ASTN2: variants seen among roughly 807,000 people sequenced by gnomAD.
The protein encoded by ASTN2 is astrotactin 2.
Under a neutral mutation model 139.8 loss-of-function variants are expected in ASTN2, and 54 were observed. The ratio of observed to expected loss-of-function variants is 0.39; its 90% CI spans 0.31 to 0.48. The LOEUF (loss-of-function observed/expected upper bound fraction) is 0.48, where lower values mean the gene tolerates loss of function less well. ASTN2 is among the 20% of genes least tolerant of loss of function. The pLI, the probability that ASTN2 is intolerant of heterozygous loss-of-function variation, is 0.95. For synonymous variants in ASTN2, 756 were observed against 719.5 expected (o/e 1.05, Z -0.81); for missense variants, 1,565 against 1,725.1 (o/e 0.91, Z 1.64).
intron 10 of ASTN2, among the ~76,000 whole-genome samples, chr9:116,961,051 T>C: frequency 6.6e-6 from 1 of 151,912 alleles, no homozygotes; most frequent in East Asian, 1.9e-4. Flanking sequence ...TGTGGAGCCA[T>C]ACTGTCTGTT....
At chr9:116,946,949 A>AAAAC (rs1242909408) in intron 10 of ASTN2, among the ~76,000 whole-genome samples, 2 of 151,754 alleles carry the variant, frequency 1.3e-5, no homozygotes, top group South Asian at 2.1e-4. Flanking sequence ...AAAAAAAAAA[A>AAAAC]AACAACCCAG....
At chr9:116,822,147 A>G (rs1294550318) in intron 11 of ASTN2, among the ~76,000 whole-genome samples, 1 of 150,896 alleles carries the variant, frequency 6.6e-6, no homozygotes, top group East Asian at 2.0e-4. Context: ...AACAACATCA[A>G]TAATAAAACA....
intron 7 of ASTN2, among the ~76,000 whole-genome samples, chr9:117,001,778 T>C (rs1209290457): frequency 1.3e-5 from 2 of 152,188 alleles, no homozygotes; most frequent in Non-Finnish European, 2.9e-5. Flanking sequence ...TCTTCAGGCA[T>C]GGGGCACTTT....
chr9:117,060,592 G>GAAGA (rs1238191146), intron 5 of ASTN2, among the ~76,000 whole-genome samples: 1 of 150,956 alleles, frequency 6.6e-6, no homozygotes, highest in African/African-American at 2.4e-5. Flanking sequence ...AGGCAGGAAG[G>GAAGA]AAGGAAGGAA....
At position 116,778,538 on chromosome 9, in the gene ASTN2, T is replaced by C. The variant is rs533857796; in HGVS notation, c.2396+27094A>G. ...AAATGATTGCTGAAGATACCCTCCA[T>C]GGTATTGCTCAACATTTCTTGTGAG... On this transcript the variant is annotated intron_variant, in intron 13 of 22. Coordinates refer to ENST00000313400, the MANE Select transcript of ASTN2 (RefSeq NM_001365068.1). Among the ~76,000 whole-genome samples the C allele has an allele frequency of 2.0e-5, 3 of 152,308 alleles. 1 individual carries two copies. In the South Asian group the frequency reaches 6.2e-4, roughly 32 times the overall value.
intron 16 of ASTN2, among the ~76,000 whole-genome samples, chr9:116,707,397 A>C (rs1229790157): frequency 1.3e-5 from 2 of 151,786 alleles, no homozygotes; most frequent in Non-Finnish European, 2.9e-5. Context: ...CTGGGTCCTC[A>C]AACCCTATAA....
intron 16 of ASTN2, among the ~76,000 whole-genome samples, chr9:116,706,472 A>C (rs1827990951): frequency 6.6e-6 from 1 of 152,110 alleles, no homozygotes; most frequent in Admixed American, 6.5e-5. Context: ...AGCCACTAGG[A>C]AAAGCCAGGC....
intron 20 of ASTN2, among the ~76,000 whole-genome samples, chr9:116,465,784 C>T (rs1436109497): frequency 1.3e-5 from 2 of 152,048 alleles, no homozygotes; most frequent in East Asian, 3.9e-4. Flanking sequence ...AGGAGAGTGG[C>T]TGTGTTTTAG....
At chr9:117,238,833 A>G (rs975610465) in intron 2 of ASTN2, among the ~76,000 whole-genome samples, 3 of 152,204 alleles carry the variant, frequency 2.0e-5, no homozygotes, top group African/African-American at 7.2e-5. Context: ...ATAACACCCC[A>G]ACAGTAATTT....
intron 5 of ASTN2, among the ~76,000 whole-genome samples, chr9:117,047,337 G>T (rs1838776079): frequency 6.6e-6 from 1 of 152,070 alleles, no homozygotes; most frequent in African/African-American, 2.4e-5. Flanking sequence ...TGCACACCTT[G>T]GTCCTTGTCT....
intron 6 of ASTN2, among the ~76,000 whole-genome samples, chr9:117,036,568 T>C (rs531505956): frequency 1.3e-5 from 2 of 152,132 alleles, no homozygotes; most frequent in Non-Finnish European, 2.9e-5. Context: ...ATATGGCTTA[T>C]ACACATTGGG....
chr9:116,731,271 G>T (rs930020801), intron 14 of ASTN2, among the ~76,000 whole-genome samples: 3 of 151,156 alleles, frequency 2.0e-5, no homozygotes, highest in Non-Finnish European at 4.4e-5. Flanking sequence ...AATCTCCAAG[G>T]ATCCTTGAGT....
At chr9:117,335,606 T>C (rs1287495615) in intron 1 of ASTN2, among the ~76,000 whole-genome samples, 1 of 152,160 alleles carries the variant, frequency 6.6e-6, no homozygotes, top group African/African-American at 2.4e-5. Context: ...CATTCTTACT[T>C]ATATTTTGTT....
At chr9:116,531,622 T>A (rs1195832985) in intron 19 of ASTN2, among the ~76,000 whole-genome samples, 1 of 151,550 alleles carries the variant, frequency 6.6e-6, no homozygotes, top group South Asian at 2.1e-4. Flanking sequence ...GGTGGTTGGT[T>A]TTTTGTCCTT....
intron 20 of ASTN2, among the ~76,000 whole-genome samples, chr9:116,464,317 G>A (rs1351106042): frequency 6.6e-6 from 1 of 152,030 alleles, no homozygotes. Flanking sequence ...TTATGCACTT[G>A]GTTTTCTAAG....
intron 19 of ASTN2, among the ~76,000 whole-genome samples, chr9:116,529,864 A>G (rs1851246793): frequency 6.6e-6 from 1 of 151,982 alleles, no homozygotes; most frequent in Non-Finnish European, 1.5e-5. Context: ...AGGCCTTCCC[A>G]GCCATGGGGA....
At chr9:116,759,227 C>T (rs1458821039) in intron 13 of ASTN2, among the ~76,000 whole-genome samples, 1 of 152,114 alleles carries the variant, frequency 6.6e-6, no homozygotes, top group African/African-American at 2.4e-5. Context: ...TGGTATGGGC[C>T]CAGTTTGTGC....
intron 4 of ASTN2, among the ~76,000 whole-genome samples, chr9:117,127,672 G>GTTTTTTTTTTTTTTTTTTT (rs11427891): frequency 4.2e-5 from 3 of 70,900 alleles, no homozygotes; most frequent in Admixed American, 2.1e-4. Flanking sequence ...TTTTGTTTTG[G>GTTTTTTTTTTTTTTTTTTT]TTTTTTTTTT....
At chr9:117,298,666 A>G (rs529046339) in intron 1 of ASTN2, among the ~76,000 whole-genome samples, 4 of 43,904 alleles carry the variant, frequency 9.1e-5, no homozygotes, top group South Asian at 8.9e-4. Context: ...GTATATATAT[A>G]TGTGTATATA....
Sources: allele counts gnomAD v4.1 joint callset (sites outside exome capture counted in the v4.1 genomes callset), GRCh38; gene constraint gnomAD v4.1.1; transcripts MANE v1.5; gene names NCBI Gene and HGNC (gene_info 2026-07-23, HGNC 2026-07-21).